CNTN4: variants seen among roughly 807,000 people sequenced by gnomAD.
The protein encoded by CNTN4 is contactin 4.
In CNTN4, 77 loss-of-function variants were observed where a neutral mutation model predicts 122.5. The observed-to-expected ratio is 0.63, with a 90% CI of 0.52 to 0.76. The LOEUF is 0.76. CNTN4 is among the 30% of genes least tolerant of loss of function. The pLI is 0.00. For missense variants in CNTN4, 1,256 were observed against 1,259.1 expected, an observed-to-expected ratio of 1.00 and a Z score of 0.04; for synonymous variants, 512 against 447.0, an observed-to-expected ratio of 1.15 and a Z score of -1.83.
intron 3 of CNTN4, among the ~76,000 whole-genome samples, chr3:2,521,343 T>TCCCCCCCCCCCCC (rs5846190): frequency 7.8e-6 from 1 of 128,308 alleles, no homozygotes; most frequent in Non-Finnish European, 1.6e-5. Flanking sequence ...CCTCTACCCA[T>TCCCCCCCCCCCCC]CCCCCCCACC....
intron 3 of CNTN4, among the ~76,000 whole-genome samples, chr3:2,387,133 T>C (rs1323559875): frequency 6.6e-6 from 1 of 152,196 alleles, no homozygotes; most frequent in South Asian, 2.1e-4. Context: ...CTCAAATTTA[T>C]AAAACTTATC....
At chr3:2,399,714 T>A (rs1244978340) in intron 3 of CNTN4, among the ~76,000 whole-genome samples, 2 of 152,084 alleles carry the variant, frequency 1.3e-5, no homozygotes, top group East Asian at 1.9e-4. Context: ...AGGTTTATGC[T>A]TCTCTAAAAA....
In CNTN4 at chr3:2,146,712, G is replaced by GGTCT. The variant is rs534443179; in HGVS notation, c.-145+46075_-145+46078dup. 1.9e-3 allele frequency among the ~76,000 whole-genome samples: 285 copies of GGTCT among 152,184 alleles called. 2 individuals are homozygous for GGTCT. The highest frequency in any genetic ancestry group is 2.6e-3 in the Non-Finnish European group (175 of 68,028). On this transcript the variant is annotated intron_variant, in intron 2 of 24. Coordinates refer to ENST00000418658, the MANE Select transcript of CNTN4 (RefSeq NM_175607.3). Reference sequence around the variant, plus strand: ...GATGATATGACTCTTCAGACAGAGAGGTCTGGTCCCTACCCTGATATGTGT... The same window carrying GGTCT: ...GATGATATGACTCTTCAGACAGAGAGGTCTGTCTGGTCCCTACCCTGATATGTGT...
Position 2,570,124 on chromosome 3 carries a change from A to G in CNTN4, c.-88-1292A>G, listed in dbSNP as rs537084481. Among the ~76,000 whole-genome samples, 40 of 152,146 alleles carry G rather than the reference A, an allele frequency of 2.6e-4. No homozygotes were observed. In the South Asian group the frequency reaches 4.1e-3, roughly 16 times the overall value. Reference sequence around the variant, plus strand: ...TCTGTTTTACTAACTTCATGTTGCAATCCTTCAGCACCAGAGGGAAATTTG... The same window carrying G: ...TCTGTTTTACTAACTTCATGTTGCAGTCCTTCAGCACCAGAGGGAAATTTG... On this transcript the variant is annotated intron_variant, in intron 3 of 24. Transcript: ENST00000418658.
At chr3:2,782,465 C>CTGTGTGTG (rs137927481) in intron 6 of CNTN4, among the ~76,000 whole-genome samples, 2,846 of 133,230 alleles carry the variant, frequency 0.021, 46 homozygotes, top group Non-Finnish European at 0.024. Flanking sequence ...CCTTCTTATT[C>CTGTGTGTG]TGTGTGTGTG....
chr3:2,432,813 G>GGT (rs2048125186), intron 3 of CNTN4, among the ~76,000 whole-genome samples: 1 of 33,614 alleles, frequency 3.0e-5, no homozygotes, highest in Non-Finnish European at 6.3e-5. Context: ...CACACTAACT[G>GGT]CTTTTTTTTT....
intron 5 of CNTN4, among the ~76,000 whole-genome samples, chr3:2,741,603 G>T (rs577447828): frequency 1.3e-5 from 2 of 152,172 alleles, no homozygotes; most frequent in East Asian, 3.9e-4. Flanking sequence ...TAAACCCAAG[G>T]CTAAATCAAA....
chr3:2,744,316 T>G lies in CNTN4; in HGVS notation c.183-1206T>G, dbSNP rs145211838. Among the ~76,000 whole-genome samples, 27 of 152,072 alleles carry G rather than the reference T, an allele frequency of 1.8e-4. No homozygotes were observed. The East Asian group carries it at 2.5e-3, about 14-fold the overall frequency. On this transcript the variant is annotated intron_variant, in intron 5 of 24. Transcript: ENST00000418658. ...TTTTCATGTAAATCCTTTTACATTA[T>G]GTACAGACAACCACAGTACCCAAGA...
At chr3:2,405,478 G>C (rs1465670858) in intron 3 of CNTN4, among the ~76,000 whole-genome samples, 1 of 152,022 alleles carries the variant, frequency 6.6e-6, no homozygotes, top group Non-Finnish European at 1.5e-5. Context: ...GCACTGACAT[G>C]AAAGAACCCC....
intron 4 of CNTN4, among the ~76,000 whole-genome samples, chr3:2,591,202 A>G (rs898679058): frequency 3.9e-5 from 6 of 152,232 alleles, no homozygotes; most frequent in Non-Finnish European, 8.8e-5. Context: ...CTACATCTCC[A>G]TGATCACATT....
In CNTN4 at chr3:2,181,726, G is replaced by T. The variant is rs148521667; in HGVS notation, c.-145+81087G>T. ...TCATTCTGTTTTCAACTACCATATTGTCCTTTTAACTGAACTATTAAAAAC... is the reference window on the plus strand; with the variant it reads ...TCATTCTGTTTTCAACTACCATATTTTCCTTTTAACTGAACTATTAAAAAC... On this transcript the variant is annotated intron_variant, in intron 2 of 24. Coordinates refer to ENST00000418658, the MANE Select transcript of CNTN4 (RefSeq NM_175607.3). Among the ~76,000 whole-genome samples, 129 of 152,096 alleles carry T rather than the reference G, an allele frequency of 8.5e-4. No individual in the cohort carries two copies. The Middle Eastern group carries it at 0.01, about 12-fold the overall frequency.
chr3:2,903,449 A>G (rs945978716), intron 12 of CNTN4, among the ~76,000 whole-genome samples: 3 of 152,112 alleles, frequency 2.0e-5, no homozygotes, highest in Non-Finnish European at 4.4e-5. Flanking sequence ...CTTTCTTCCA[A>G]CTACATGTTT....
chr3:2,726,832 T>A (rs1017473103), intron 4 of CNTN4, among the ~76,000 whole-genome samples: 5 of 152,156 alleles, frequency 3.3e-5, no homozygotes, highest in African/African-American at 1.2e-4. Context: ...TGGGCTTTAG[T>A]TAATATGCAT....
intron 2 of CNTN4, among the ~76,000 whole-genome samples, chr3:2,299,824 A>G (rs931492895): frequency 8.5e-5 from 13 of 152,190 alleles, no homozygotes; most frequent in Admixed American, 8.5e-4. Flanking sequence ...AATCTCCCAC[A>G]TACAGTATAA....
At chr3:2,659,035 C>G (rs2083743108) in intron 4 of CNTN4, among the ~76,000 whole-genome samples, 1 of 150,864 alleles carries the variant, frequency 6.6e-6, no homozygotes. Context: ...TTTCAGGTCT[C>G]ATGAATTGTA....
At chr3:2,870,894 C>T (rs1161476718) in intron 8 of CNTN4, among the ~76,000 whole-genome samples, 6 of 152,284 alleles carry the variant, frequency 3.9e-5, no homozygotes, top group African/African-American at 1.4e-4. Flanking sequence ...AAAAGTTGAA[C>T]AGTGAACCTT....
chr3:2,790,500 A>G (rs2091975718), intron 6 of CNTN4, among the ~76,000 whole-genome samples: 1 of 152,244 alleles, frequency 6.6e-6, no homozygotes, highest in Non-Finnish European at 1.5e-5. Flanking sequence ...GTAAGGGCCT[A>G]AGTAGGCAGA....
intron 6 of CNTN4, among the ~76,000 whole-genome samples, chr3:2,798,371 A>ATCTACCTATCTATCTATCTATCTATCTT: frequency 6.7e-6 from 1 of 149,234 alleles, no homozygotes; most frequent in African/African-American, 2.5e-5. Context: ...ACATAAATCT[A>ATCTACCTATCTATCTATCTATCTATCTT]TCTATCTATC....
intron 2 of CNTN4, among the ~76,000 whole-genome samples, chr3:2,296,822 A>G (rs1348532446): frequency 6.6e-6 from 1 of 151,866 alleles, no homozygotes; most frequent in African/African-American, 2.4e-5. Context: ...TATAATTCCA[A>G]TGAGGTAGAA....
Sources: gnomAD v4.1 joint callset for allele counts (sites outside exome capture counted in the v4.1 genomes callset) on GRCh38, gnomAD v4.1.1 for gene constraint, MANE v1.5 for transcripts, NCBI Gene and HGNC (gene_info 2026-07-23, HGNC 2026-07-21) for gene names.